The following COL7A1 variants were observed in gnomAD, a reference collection of about 807,000 sequenced individuals.
The protein encoded by COL7A1 is collagen alpha-1(VII) chain.
COL7A1 carries 296 observed loss-of-function variants against 456.2 expected under a neutral mutation model. That is an observed-to-expected ratio of 0.65 (90% CI 0.59 to 0.71). The LOEUF (loss-of-function observed/expected upper bound fraction) is 0.71, where lower values mean the gene tolerates loss of function less well. Among genes scored for constraint, COL7A1 ranks in the 30% least tolerant of loss-of-function variants. The pLI is 0.00. For synonymous variants in COL7A1, 1,464 were observed against 1,525.9 expected, an observed-to-expected ratio of 0.96 and a Z score of 0.95; for missense variants, 3,441 against 4,017.2, an observed-to-expected ratio of 0.86 and a Z score of 3.88.
At position 48,593,390 on chromosome 3, in the gene COL7A1, C is replaced by A; in HGVS notation, c.486G>T (p.Arg162Ser). The change falls in exon 5 of 119, where the codon AGG becomes AGT. Residue 162 changes from arginine to serine, a missense_variant. Physicochemically the swap from Arg to Ser is moderately radical, Grantham distance 110. Coordinates refer to ENST00000681320, the MANE Select transcript of COL7A1 (RefSeq NM_000094.4). The surrounding 1 kb of genome is among the most constrained non-coding windows in gnomAD (Gnocchi z 4.4). The part of the protein sequence containing the change: ...SQDLVDTAAQ[R>S]LKGQGVKLFA... ...ATAGCTTGACCCCCTGCCCCTTCAG[C>A]CTTTGGGCAGCTGTGTCCACCAGGT... 6.2e-7 allele frequency: 1 copy of A among 1,614,110 alleles called. No individual in the cohort carries two copies. The highest frequency in any genetic ancestry group is 8.5e-7 in the Non-Finnish European group (1 of 1,180,032).
At position 48,568,942 on chromosome 3, in the gene COL7A1, G is replaced by T; in HGVS notation, c.7687-87C>A. ...CAACGAGCCCGCCAGCTGGGGCAGA[G>T]CTCAAGTCACTCCCGAACGGCCCTA... On this transcript the variant is annotated intron_variant, in intron 103 of 118. Transcript: ENST00000681320. The surrounding 1 kb of genome is among the most constrained non-coding windows in gnomAD (Gnocchi z 5.2). 2 of 1,348,446 alleles carry T rather than the reference G, an allele frequency of 1.5e-6. No individual in the cohort carries two copies. Among genetic ancestry groups the T allele is most frequent in the Non-Finnish European group, 2.1e-6 (2 of 967,018 alleles). The allele number at this position is 1,348,446 out of a possible 1,614,324, so 83.5% of individuals were successfully genotyped here. A position where few individuals can be genotyped will look rare whatever the true frequency, so the allele number is the denominator to read the frequency against.
At position 48,581,989 on chromosome 3, in the gene COL7A1, G is replaced by T. The variant is rs1560235622; in HGVS notation, c.4636-46C>A. 1.2e-6 allele frequency: 2 copies of T among 1,613,444 alleles called. No individual in the cohort carries two copies. The highest frequency in any genetic ancestry group is 1.1e-5 in the South Asian group (1 of 91,070). ...TACAGCTTGGCCCTGCCTTGGGGTT[G>T]TATGATCAAAGTCTTCATTGGAATG... On this transcript the variant is annotated intron_variant, in intron 47 of 118. Coordinates refer to ENST00000681320, the MANE Select transcript of COL7A1 (RefSeq NM_000094.4). The surrounding 1 kb of genome is among the most constrained non-coding windows in gnomAD (Gnocchi z 5.8).
Position 48,576,976 on chromosome 3 carries a change from A to T in COL7A1, c.5568+16T>A. 6.2e-7 allele frequency: 1 copy of T among 1,614,018 alleles called. No homozygotes were observed. The highest frequency in any genetic ancestry group is 8.5e-7 in the Non-Finnish European group (1 of 1,180,012). ...TCCAAGCAGAGACCAGAGAGACCCC[A>T]GGTGGGGGACTTTACCTTCCTCCCG... On this transcript the variant is annotated intron_variant, in intron 66 of 118. Coordinates refer to ENST00000681320, the MANE Select transcript of COL7A1 (RefSeq NM_000094.4).
intron 71 of COL7A1, 152 bp from the exon 72 acceptor site, chr3:48,576,054 T>A: frequency 7.0e-7 from 1 of 1,430,454 alleles, no homozygotes; most frequent in Admixed American, 1.9e-5. Flanking sequence ...GGCTGGAGAC[T>A]CCTGGGAGCC....
chr3:48,589,759 G>A, intron 16 of COL7A1, 41 bp from the exon 17 acceptor site: 1 of 1,613,650 alleles, frequency 6.2e-7, no homozygotes, highest in Non-Finnish European at 8.5e-7. Flanking sequence ...GGAACAGGCA[G>A]GAAGGAGTGG....
chr3:48,566,688 G>C lies in COL7A1; in HGVS notation c.8276C>G (p.Pro2759Arg), dbSNP rs367545925. The change falls in exon 112 of 119, where the codon CCT becomes CGT. Residue 2759 changes from proline to arginine, a missense_variant. Pro to Arg is a moderately radical substitution (Grantham distance 103). Coordinates refer to ENST00000681320, the MANE Select transcript of COL7A1 (RefSeq NM_000094.4). The surrounding 1 kb of genome is among the most constrained non-coding windows in gnomAD (Gnocchi z 5.9). Reference protein sequence around the residue: ...GERVVGAPGVPGAPGERGEQG... With the variant: ...GERVVGAPGVRGAPGERGEQG... ...CTCCCCTCTCTCGCCAGGAGCTCCA[G>C]GGACCCCAGGAGCCCCCACCACTCT... is the stretch of plus-strand genomic sequence containing the variant. 1.2e-6 allele frequency: 2 copies of C among 1,613,502 alleles called. No individual in the cohort carries two copies. The highest frequency in any genetic ancestry group is 1.7e-6 in the Non-Finnish European group (2 of 1,179,856).
chr3:48,564,476 G>T lies in COL7A1; in HGVS notation c.8819-54C>A, dbSNP rs376446712. On this transcript the variant is annotated intron_variant, in intron 118 of 118. Coordinates refer to ENST00000681320, the MANE Select transcript of COL7A1 (RefSeq NM_000094.4). This position sits in a 1 kb window ranked among gnomAD's most constrained non-coding sequence, Gnocchi z 6.0. ...CAGCCATCTGACCTTCCCCGGAGAC[G>T]CTCAGGCAGAGGCACCGCCAAGGGG... 6.2e-7 allele frequency: 1 copy of T among 1,608,706 alleles called. No homozygotes were observed. The highest frequency in any genetic ancestry group is 1.3e-5 in the African/African-American group (1 of 74,816).
At chr3:48,584,833 A>G in intron 34 of COL7A1, 64 bp from the exon 35 acceptor site, 1 of 1,613,700 alleles carries the variant, frequency 6.2e-7, no homozygotes, top group Non-Finnish European at 8.5e-7. Context: ...TGGGCACTGC[A>G]CCACCACCCC....
Position 48,589,247 on chromosome 3 carries a change from G to C in COL7A1, c.2314+80C>G. ...GACAGTCACTGAGCAGGGGGGTGGAGGCAGCTGGGCAATCAGGAACACACA... is the reference window on the plus strand; with the variant it reads ...GACAGTCACTGAGCAGGGGGGTGGACGCAGCTGGGCAATCAGGAACACACA... On this transcript the variant is annotated intron_variant, in intron 18 of 118. Coordinates refer to ENST00000681320, the MANE Select transcript of COL7A1 (RefSeq NM_000094.4). 4 of 1,596,252 alleles carry C rather than the reference G, an allele frequency of 2.5e-6. No homozygotes were observed. The South Asian group carries it at 4.4e-5, about 18-fold the overall frequency.
chr3:48,581,501 G>C lies in COL7A1; in HGVS notation c.4783-18C>G, dbSNP rs2044755155. 1.2e-6 allele frequency: 2 copies of C among 1,614,084 alleles called. No individual in the cohort carries two copies. Among genetic ancestry groups the C allele is most frequent in the Non-Finnish European group, 1.7e-6 (2 of 1,180,010 alleles). ...ATGGGACCCTGAAGGGGACAGAAGG[G>C]GGGCAGGACTTAGTCAGGGTCCCAC... On this transcript the variant is annotated intron_variant, in intron 50 of 118. Coordinates refer to ENST00000681320, the MANE Select transcript of COL7A1 (RefSeq NM_000094.4). The surrounding 1 kb of genome is among the most constrained non-coding windows in gnomAD (Gnocchi z 5.8).
rs6767279 is a variant in COL7A1, at chr3:48,579,120, C to A, written c.5388+77G>T. 61 of 1,575,134 alleles carry A rather than the reference C, an allele frequency of 3.9e-5. No homozygotes were observed. The highest frequency in any genetic ancestry group is 5.1e-5 in the Non-Finnish European group (59 of 1,147,570). On this transcript the variant is annotated intron_variant, in intron 62 of 118. Coordinates refer to ENST00000681320, the MANE Select transcript of COL7A1 (RefSeq NM_000094.4). This position sits in a 1 kb window ranked among gnomAD's most constrained non-coding sequence, Gnocchi z 4.4. ...AGAGCTCGTCAAGGCCAAGACCAAC[C>A]AATGAGGCTGGGGTCTAGGGTCCTC...
chr3:48,573,102 C>T lies in COL7A1; in HGVS notation c.6715-46G>A, dbSNP rs368141334. On this transcript the variant is annotated intron_variant, in intron 85 of 118. Transcript: ENST00000681320. The surrounding 1 kb of genome is among the most constrained non-coding windows in gnomAD (Gnocchi z 5.5). The stretch of plus-strand genomic sequence containing the variant: ...TGTCAGGGTGACAATGGACACAGGA[C>T]GACATGAGAGAACATGGGCCCCAAG... 3.7e-4 allele frequency: 604 copies of T among 1,614,064 alleles called. 3 individuals carry two copies. The highest frequency in any genetic ancestry group is 1.6e-3 in the Middle Eastern group (10 of 6,062).
In COL7A1 at chr3:48,590,766, C is replaced by T; in HGVS notation, c.1687G>A (p.Asp563Asn). Residue 563 changes from aspartate to asparagine, a missense_variant, in exon 14 of 119, where the codon GAT becomes AAT. By Grantham distance (23) the Asp-to-Asn change is conservative. Coordinates refer to ENST00000681320, the MANE Select transcript of COL7A1 (RefSeq NM_000094.4). The surrounding 1 kb of genome is among the most constrained non-coding windows in gnomAD (Gnocchi z 4.6). ...LPGSQTAFDLDDVQAGLSYTV... is the reference protein window; with the variant it reads ...LPGSQTAFDLNDVQAGLSYTV... ...TAGCTAAGCCCAGCCTGAACGTCAT[C>T]CAAGTCGAATGCTGTCTGACTCCCA... 6.2e-7 allele frequency: 1 copy of T among 1,613,992 alleles called. No homozygotes were observed. Among genetic ancestry groups the T allele is most frequent in the Non-Finnish European group, 8.5e-7 (1 of 1,180,038 alleles).
At position 48,579,270 on chromosome 3, in the gene COL7A1, C is replaced by T. The variant is rs1016459702; in HGVS notation, c.5315G>A (p.Arg1772Gln). ...CCGGCCATCCAGCCCAGGGGGACCC[C>T]GGTCACCCTGTGGAAAATAGAGTGG... ...VRGPAGEKGD[R>Q]GPPGLDGRSG... The change falls in exon 62 of 119, where the codon CGG (arginine) becomes CAG (glutamine). Residue 1772 changes from arginine to glutamine, a missense_variant. This residue lies in a region of COL7A1 where 2,084 missense variants were observed against 2,501.3 expected (regional missense o/e 0.83). Coordinates refer to ENST00000681320, the MANE Select transcript of COL7A1 (RefSeq NM_000094.4). This position sits in a 1 kb window ranked among gnomAD's most constrained non-coding sequence, Gnocchi z 4.4. 35 of 1,613,868 alleles carry T rather than the reference C, an allele frequency of 2.2e-5. No homozygotes were observed. Among genetic ancestry groups the T allele is most frequent in the Admixed American group, 5.0e-5 (3 of 60,006 alleles).
rs977778252 is a variant in COL7A1, at chr3:48,568,534, C to T, written c.7759G>A (p.Gly2587Ser). 1.2e-6 allele frequency: 2 copies of T among 1,607,382 alleles called. No homozygotes were observed. The highest frequency in any genetic ancestry group is 1.7e-6 in the Non-Finnish European group (2 of 1,175,250). The change falls in exon 105 of 119, where the codon GGT becomes AGT. Residue 2587 changes from glycine to serine, a missense_variant and splice_region_variant. By Grantham distance (56) the Gly-to-Ser change is moderately conservative. Coordinates refer to ENST00000681320, the MANE Select transcript of COL7A1 (RefSeq NM_000094.4). This position sits in a 1 kb window ranked among gnomAD's most constrained non-coding sequence, Gnocchi z 5.2. ...PGLRGLLGPQ[G>S]QPGAAGIPGD... ...GGGATCCCTGCTGCACCAGGTTGAC[C>T]CTGTGAGAAACACAGATGGGGGAGC...
Position 48,567,822 on chromosome 3 carries a change from C to A in COL7A1, c.7929+16G>T. The A allele has an allele frequency of 6.2e-7, 1 of 1,614,150 alleles. No homozygotes were observed. Among genetic ancestry groups the A allele is most frequent in the Non-Finnish European group, 8.5e-7 (1 of 1,180,030 alleles). On this transcript the variant is annotated intron_variant, in intron 107 of 118. Transcript: ENST00000681320. The surrounding 1 kb of genome is among the most constrained non-coding windows in gnomAD (Gnocchi z 4.3). ...CCCCAGGCCACGTAGCCCCCCAGCC[C>A]CCATCCCCTCTGTACCTTGTCTCCC...
Position 48,573,191 on chromosome 3 carries a change from C to CG in COL7A1, c.6696dup (p.Gly2233ArgfsTer57), listed in dbSNP as rs749256529. 2.5e-6 allele frequency: 4 copies of CG among 1,614,054 alleles called. No individual in the cohort carries two copies. Among genetic ancestry groups the CG allele is most frequent in the Non-Finnish European group, 1.7e-6 (2 of 1,179,976 alleles). On this transcript the variant is annotated frameshift_variant, in exon 85 of 119. Transcript: ENST00000681320. LOFTEE classifies it high-confidence loss of function. The surrounding 1 kb of genome is among the most constrained non-coding windows in gnomAD (Gnocchi z 5.5). Reference sequence around the variant, plus strand: ...TCACTCACCACAAGGCCTGAAGGGCCGGGGGGTCCAGGAAGTCCCACAGCT... The same window carrying CG: ...TCACTCACCACAAGGCCTGAAGGGCCGGGGGGGTCCAGGAAGTCCCACAGCT...
rs1011290214 is a variant in COL7A1 at position 48,593,813 on chromosome 3, G to A, written c.267-117C>T. ...TCAGGCTCTCTTGAGGGGTCCCTTCGTTCTGTCATTCTCCACACCCACTTG... is the reference window on the plus strand; with the variant it reads ...TCAGGCTCTCTTGAGGGGTCCCTTCATTCTGTCATTCTCCACACCCACTTG... On this transcript the variant is annotated intron_variant, in intron 3 of 118. Transcript: ENST00000681320. The surrounding 1 kb of genome is among the most constrained non-coding windows in gnomAD (Gnocchi z 4.4). The A allele has an allele frequency of 2.0e-5, 25 of 1,258,908 alleles. No homozygotes were observed. Among genetic ancestry groups the A allele is most frequent in the Admixed American group, 3.5e-5 (2 of 56,578 alleles). The allele number at this position is 1,258,908 out of a possible 1,614,324, so 78.0% of individuals were successfully genotyped here.
Position 48,582,305 on chromosome 3 carries a change from C to A in COL7A1, c.4635+18G>T. On this transcript the variant is annotated intron_variant, in intron 47 of 118. Coordinates refer to ENST00000681320, the MANE Select transcript of COL7A1 (RefSeq NM_000094.4). Reference sequence around the variant, plus strand: ...AAGGGCTGTGCTGTGCTCAGAGCGCCATCCTCCCGTCACTCACCACCACTG... The same window carrying A: ...AAGGGCTGTGCTGTGCTCAGAGCGCAATCCTCCCGTCACTCACCACCACTG... 1.9e-6 allele frequency: 3 copies of A among 1,613,958 alleles called. No individual in the cohort carries two copies. Among genetic ancestry groups the A allele is most frequent in the Non-Finnish European group, 2.5e-6 (3 of 1,179,966 alleles).
Sources: allele counts gnomAD v4.1 joint callset, GRCh38; gene constraint gnomAD v4.1.1; regional missense constraint gnomAD v4.1.1; non-coding constraint Gnocchi (gnomAD v3.1); transcripts MANE v1.5; gene names NCBI Gene and HGNC (gene_info 2026-07-23, HGNC 2026-07-21).